Variants in CLEC17A observed in about 807,000 individuals in gnomAD.
CLEC17A encodes C-type lectin domain family 17, member A.
A neutral mutation model predicts 61.3 loss-of-function variants in CLEC17A; 37 were observed. The ratio of observed to expected loss-of-function variants is 0.60; its 90% confidence interval spans 0.46 to 0.79. CLEC17A has a LOEUF of 0.79. Ranked by LOEUF, CLEC17A falls within the 30% of genes least tolerant of loss-of-function variation. CLEC17A has a pLI of 0.00. For missense variants in CLEC17A, 418 were observed against 464.7 expected, an observed-to-expected ratio of 0.90 and a Z score of 0.92; for synonymous variants, 168 against 164.9, an observed-to-expected ratio of 1.02 and a Z score of -0.14.
At chr19:14,588,341 A>AC (rs2074337363) in intron 3 of CLEC17A, 2 of 151,936 alleles carry the variant, frequency 1.3e-5, no homozygotes, top group Non-Finnish European at 2.9e-5. Context: ...AAAAAAAAAA[A>AC]CAAGTAGAGG....
intron 13 of CLEC17A, among the ~76,000 whole-genome samples, chr19:14,609,094 C>G (rs886586226): frequency 6.6e-6 from 1 of 152,170 alleles, no homozygotes; most frequent in Non-Finnish European, 1.5e-5. Context: ...GCCACCGCAC[C>G]TGGCGGAACA....
chr19:14,588,556 A>C (rs1254010264), intron 3 of CLEC17A: 2 of 152,070 alleles, frequency 1.3e-5, no homozygotes, highest in Non-Finnish European at 2.9e-5. Context: ...TCCAGGTTGG[A>C]AACAGAGCCA....
chr19:14,583,069 A>G (rs2074201903), upstream of CLEC17A: 2 of 1,405,786 alleles, frequency 1.4e-6, no homozygotes, highest in African/African-American at 1.4e-5. Context: ...GGAAAAGGGA[A>G]CTGAGAGAGC....
chr19:14,607,791 G>T (rs1599581133), intron 13 of CLEC17A, among the ~76,000 whole-genome samples: 1 of 151,158 alleles, frequency 6.6e-6, no homozygotes, highest in East Asian at 2.0e-4. Context: ...GGCCAGGCTG[G>T]TCTTGAACTC....
chr19:14,588,677 A>T (rs537471046), intron 3 of CLEC17A: 1 of 151,880 alleles, frequency 6.6e-6, no homozygotes, highest in African/African-American at 2.4e-5. Flanking sequence ...AGAAAATGAA[A>T]CCGGAGGTTT....
intron 3 of CLEC17A, among the ~76,000 whole-genome samples, chr19:14,591,452 C>T (rs1457220529): frequency 7.0e-6 from 1 of 143,676 alleles, no homozygotes. Flanking sequence ...CCGCGCCTGG[C>T]CCTTTTTTTT....
chr19:14,591,463 G>A (rs531416998), intron 3 of CLEC17A, among the ~76,000 whole-genome samples: 17 of 145,922 alleles, frequency 1.2e-4, no homozygotes, highest in South Asian at 4.4e-4. Context: ...CCTTTTTTTT[G>A]AGACAGAATC....
At position 14,596,915 on chromosome 19, in the gene CLEC17A, C is replaced by A; in HGVS notation, c.485C>A (p.Pro162His). ...TGGCTCAATCAGAGGTCTGGAGGTC[C>A]TGGCTGCTGCCAGAAGAGGTGGATG... Reference protein sequence around the residue: ...VPWLNQRSGGPGCCQKRWMVY... With the variant: ...VPWLNQRSGGHGCCQKRWMVY... Residue 162 changes from proline (P) to histidine (H), a missense_variant, in exon 9 of 14, where the codon CCT (proline) becomes CAT (histidine). Physicochemically the swap from Pro to His is moderately conservative, Grantham distance 77. Transcript: ENST00000417570. 1 of 1,608,400 alleles carries A rather than the reference C, an allele frequency of 6.2e-7. No homozygotes were observed. Among genetic ancestry groups the A allele is most frequent in the Non-Finnish European group, 8.5e-7 (1 of 1,177,386 alleles).
At chr19:14,594,413 CT>C in intron 4 of CLEC17A, 103 bp from the exon 5 acceptor site, 1 of 1,438,542 alleles carries the variant, frequency 7.0e-7, no homozygotes, top group Non-Finnish European at 9.6e-7. Flanking sequence ...CGTCTGTAAC[CT>C]AATCTCCAAT....
Position 14,592,443 on chromosome 19 carries a change from A to G in CLEC17A, c.277+85A>G, listed in dbSNP as rs879943577. ...CATTGGCTGGGCATTGTAGACACAC[A>G]GTCAGTCTCCTCTGTATCCAGCCCA... is the stretch of plus-strand genomic sequence containing the variant. On this transcript the variant is annotated intron_variant, in intron 4 of 13. Transcript: ENST00000417570. 1.0e-5 allele frequency: 16 copies of G among 1,579,692 alleles called. No individual in the cohort carries two copies. In the African/African-American group the frequency reaches 2.0e-4, roughly 20 times the overall value.
chr19:14,600,296 T>C, intron 12 of CLEC17A, 114 bp downstream of exon 12: 1 of 1,283,208 alleles, frequency 7.8e-7, no homozygotes, highest in South Asian at 1.4e-5. Context: ...ACTTTTCAGT[T>C]ACTAAAACTT....
upstream of CLEC17A, among the ~76,000 whole-genome samples, chr19:14,580,983 C>T (rs2074176445): frequency 6.6e-6 from 1 of 152,186 alleles, no homozygotes; most frequent in Non-Finnish European, 1.5e-5. Context: ...ACCGGGGCTA[C>T]CCCATTGCCC....
chr19:14,593,319 A>C (rs1296775592), intron 4 of CLEC17A, among the ~76,000 whole-genome samples: 1 of 127,626 alleles, frequency 7.8e-6, no homozygotes, highest in Non-Finnish European at 1.6e-5. Context: ...ATATAGCAAG[A>C]CGCCCATCTC....
At chr19:14,607,976 T>C (rs1203087157) in intron 13 of CLEC17A, among the ~76,000 whole-genome samples, 49 of 152,134 alleles carry the variant, frequency 3.2e-4, no homozygotes. Flanking sequence ...GCTCTGGTAA[T>C]CCTCCTGCCT....
rs2074310640 is a variant in CLEC17A, at chr19:14,587,362, G to A, written c.122-252G>A. Among the ~76,000 whole-genome samples the A allele has an allele frequency of 2.6e-5, 4 of 152,132 alleles. No individual in the cohort carries two copies. In the South Asian group the frequency reaches 8.3e-4, roughly 31 times the overall value. On this transcript the variant is annotated intron_variant, in intron 2 of 13. Transcript: ENST00000417570. ...ACAGACAGATGCCTTAGACATCTGA[G>A]TAGGAGAGACAAGACCTGGCTACCC...
intron 10 of CLEC17A, among the ~76,000 whole-genome samples, chr19:14,597,819 G>A (rs541887000): frequency 7.2e-5 from 11 of 152,068 alleles, no homozygotes; most frequent in East Asian, 1.9e-4. Flanking sequence ...GACTAAGCTC[G>A]TTTCAAACTC....
intron 10 of CLEC17A, among the ~76,000 whole-genome samples, chr19:14,598,954 AAAAAT>A (rs1241020880): frequency 6.6e-6 from 1 of 152,050 alleles, no homozygotes; most frequent in Non-Finnish European, 1.5e-5. Context: ...TGTGTCTAAA[AAAAAT>A]AAAATAAAGG....
intron 3 of CLEC17A, among the ~76,000 whole-genome samples, chr19:14,590,332 G>A (rs1444479624): frequency 1.3e-5 from 2 of 151,882 alleles, no homozygotes; most frequent in African/African-American, 4.8e-5. Context: ...TAGGTTTAGA[G>A]CAGTAATACT....
At chr19:14,597,789 A>G (rs971954390) in intron 10 of CLEC17A, among the ~76,000 whole-genome samples, 1 of 151,990 alleles carries the variant, frequency 6.6e-6, no homozygotes, top group African/African-American at 2.4e-5. Flanking sequence ...TTTTTTGTAT[A>G]GAAGAGGTCT....
Sources: gnomAD v4.1 joint callset for allele counts (sites outside exome capture counted in the v4.1 genomes callset) on GRCh38, gnomAD v4.1.1 for gene constraint, MANE v1.5 for transcripts, NCBI Gene and HGNC (gene_info 2026-07-23, HGNC 2026-07-21) for gene names.